RARB: variants seen among roughly 807,000 people sequenced by gnomAD.
RARB encodes HBV-activated protein.
In RARB, 17 loss-of-function variants were observed where a neutral mutation model predicts 51.9. That is an observed-to-expected ratio of 0.33 (90% CI 0.22 to 0.49). The LOEUF (loss-of-function observed/expected upper bound fraction) is 0.49, where lower values mean the gene tolerates loss of function less well. RARB is among the 20% of genes least tolerant of loss of function. The probability of loss-of-function intolerance (pLI) is 0.99; values close to 1 mark genes in which losing one functional copy is unlikely to be tolerated. For missense variants in RARB, 369 were observed against 550.8 expected, an observed-to-expected ratio of 0.67 and a Z score of 3.30; for synonymous variants, 215 against 195.4, an observed-to-expected ratio of 1.10 and a Z score of -0.84.
intron 2 of RARB, among the ~76,000 whole-genome samples, chr3:24,863,478 T>C (rs73152477): frequency 0.014 from 2,072 of 152,268 alleles, 25 homozygotes; most frequent in African/African-American, 0.047. Context: ...GAGTGTAATA[T>C]CATTTGCCTG....
At chr3:25,478,147 C>G (rs1991784) in intron 2 of RARB, among the ~76,000 whole-genome samples, 2 of 152,078 alleles carry the variant, frequency 1.3e-5, no homozygotes, top group Non-Finnish European at 2.9e-5. Context: ...GCCTTTTATT[C>G]CCTAGCCTTG....
intron 2 of RARB, among the ~76,000 whole-genome samples, chr3:24,935,409 G>A (rs1255871538): frequency 6.6e-6 from 1 of 152,198 alleles, no homozygotes; most frequent in East Asian, 1.9e-4. Context: ...AGCAGTATAT[G>A]AAAATCTGAA....
intron 2 of RARB, among the ~76,000 whole-genome samples, chr3:25,500,451 C>CTTTTTTTTTTTTTTTTTTTT (rs1553624117): frequency 4.0e-5 from 2 of 49,938 alleles, no homozygotes; most frequent in Admixed American, 2.2e-4. Context: ...TCTTTCTTTT[C>CTTTTTTTTTTTTTTTTTTTT]TTGTTTTTTT....
chr3:25,347,345 A>G (rs1027858623), intron 5 of RARB, among the ~76,000 whole-genome samples: 10 of 152,206 alleles, frequency 6.6e-5, no homozygotes, highest in Non-Finnish European at 1.3e-4. Flanking sequence ...TTGACCAGCT[A>G]TCCAGCCTAT....
intron 5 of RARB, among the ~76,000 whole-genome samples, chr3:25,192,742 G>A (rs1006776644): frequency 6.6e-6 from 1 of 151,884 alleles, no homozygotes; most frequent in Non-Finnish European, 1.5e-5. Context: ...ACACACACAC[G>A]ACAAAACTTG....
rs1559366440 is a variant in RARB at position 24,832,628 on chromosome 3, A to ATATATAT, written c.-459+3225_-459+3226insTATATAT. Among the ~76,000 whole-genome samples the ATATATAT allele has an allele frequency of 7.3e-4, 65 of 88,444 alleles. 3 individuals are homozygous for ATATATAT. Among genetic ancestry groups the ATATATAT allele is most frequent in the South Asian group, 1.3e-3 (3 of 2,240 alleles). 58.0% of individuals were successfully genotyped at this position (88,444 alleles called of 152,430 possible). On this transcript the variant is annotated intron_variant, in intron 1 of 11. Coordinates refer to the RARB transcript ENST00000383772. Reference sequence around the variant, plus strand: ...CTGTATTTAGAAAAAATTGAGTCCCAATATATATATATATATATATATAAT... The same window carrying ATATATAT: ...CTGTATTTAGAAAAAATTGAGTCCCATATATATATATATATATATATATATATATAAT...
chr3:25,575,122 C>T (rs1375282090), intron 4 of RARB, among the ~76,000 whole-genome samples: 1 of 152,120 alleles, frequency 6.6e-6, no homozygotes, highest in Non-Finnish European at 1.5e-5. Context: ...GGGATAGTTT[C>T]AGGATGAAAC....
intron 2 of RARB, among the ~76,000 whole-genome samples, chr3:24,908,104 G>A (rs1399962179): frequency 6.6e-6 from 1 of 152,090 alleles, no homozygotes; most frequent in Admixed American, 6.5e-5. Flanking sequence ...GCTGTACCAA[G>A]CATTATATCT....
chr3:25,569,585 C>T (rs1025897844), intron 3 of RARB, among the ~76,000 whole-genome samples, 173 bp from the exon 4 acceptor site: 1 of 152,216 alleles, frequency 6.6e-6, no homozygotes, highest in African/African-American at 2.4e-5. Context: ...TGCCGGGGTC[C>T]CGCGGCTGCC....
At chr3:25,150,145 G>A (rs762921243) in intron 4 of RARB, among the ~76,000 whole-genome samples, 1 of 151,498 alleles carries the variant, frequency 6.6e-6, no homozygotes, top group Non-Finnish European at 1.5e-5. Context: ...AGGTTGCAGT[G>A]AGCCGAGATC....
chr3:25,365,084 T>C (rs904909847), intron 5 of RARB, among the ~76,000 whole-genome samples: 2 of 152,020 alleles, frequency 1.3e-5, no homozygotes, highest in Non-Finnish European at 2.9e-5. Flanking sequence ...GCCCTAAAAA[T>C]TCTCCCAAAT....
At chr3:25,150,555 A>G (rs1225688202) in intron 4 of RARB, among the ~76,000 whole-genome samples, 2 of 152,232 alleles carry the variant, frequency 1.3e-5, no homozygotes, top group African/African-American at 4.8e-5. Flanking sequence ...GTGGTAAACT[A>G]TGGACAAGAA....
At chr3:24,921,410 A>G (rs775706078) in intron 2 of RARB, among the ~76,000 whole-genome samples, 5 of 152,168 alleles carry the variant, frequency 3.3e-5, no homozygotes, top group Non-Finnish European at 7.3e-5. Context: ...ACAGAAAATC[A>G]GCCCTGCCCC....
rs187342797 is a variant in RARB, at chr3:25,293,406, A to G, written c.178+118831A>G. Reference sequence around the variant, plus strand: ...CACTTAGACCAGTGCCTGGCATATCACAAGCCCTCAAACGTTCATTGTTAT... The same window carrying G: ...CACTTAGACCAGTGCCTGGCATATCGCAAGCCCTCAAACGTTCATTGTTAT... On this transcript the variant is annotated intron_variant, in intron 5 of 11. Coordinates refer to the RARB transcript ENST00000383772. Among the ~76,000 whole-genome samples the G allele has an allele frequency of 2.1e-4, 32 of 152,140 alleles. 1 individual carries two copies. Among genetic ancestry groups the G allele is most frequent in the Middle Eastern group, 6.8e-3 (2 of 294 alleles).
chr3:25,068,434 G>T (rs546028538), intron 3 of RARB, among the ~76,000 whole-genome samples: 1 of 152,162 alleles, frequency 6.6e-6, no homozygotes, highest in South Asian at 2.1e-4. Context: ...GAAAGAAATA[G>T]ATTTAGAAGG....
At chr3:25,470,249 AC>A (rs1217914871) in intron 2 of RARB, among the ~76,000 whole-genome samples, 1 of 152,208 alleles carries the variant, frequency 6.6e-6, no homozygotes, top group East Asian at 1.9e-4. Flanking sequence ...GTTTTTAAGT[AC>A]GTTTTAATGC....
chr3:25,460,975 A>C (rs1215076724), intron 1 of RARB, among the ~76,000 whole-genome samples: 4 of 152,124 alleles, frequency 2.6e-5, no homozygotes, highest in Non-Finnish European at 5.9e-5. Flanking sequence ...GTGGACTGCA[A>C]GTGAGAGATG....
At chr3:25,538,577 G>A (rs1320541241) in intron 3 of RARB, among the ~76,000 whole-genome samples, 1 of 152,208 alleles carries the variant, frequency 6.6e-6, no homozygotes, top group African/African-American at 2.4e-5. Flanking sequence ...GCCTGACGTG[G>A]AGAGTAGGCA....
At chr3:25,581,812 T>C (rs77432407) in intron 5 of RARB, among the ~76,000 whole-genome samples, 2,243 of 152,162 alleles carry the variant, frequency 0.015, 55 homozygotes, top group African/African-American at 0.051. Flanking sequence ...AAGGCAGCTG[T>C]GACCTAAGAT....
Sources: gnomAD v4.1 joint callset for allele counts (sites outside exome capture counted in the v4.1 genomes callset) on GRCh38, gnomAD v4.1.1 for gene constraint, MANE v1.5 for transcripts, NCBI Gene and HGNC (gene_info 2026-07-23, HGNC 2026-07-21) for gene names.